Variants in ZC3H12B observed in about 807,000 individuals in gnomAD.
ZC3H12B encodes the protein zinc finger CCCH-type containing 12B, also known as probable ribonuclease ZC3H12B.
ZC3H12B carries 7 observed loss-of-function variants against 43.9 expected under a neutral mutation model. That is an observed-to-expected ratio of 0.16 (90% CI 0.09 to 0.30). The LOEUF (loss-of-function observed/expected upper bound fraction) is 0.30. ZC3H12B is among the 10% of genes least tolerant of loss of function. ZC3H12B has a pLI of 1.00. For synonymous variants in ZC3H12B, 222 were observed against 241.7 expected (o/e 0.92, Z 0.76); for missense variants, 475 against 670.2 (o/e 0.71, Z 3.22).
chrX:65,438,281 G>A (rs180741933), intron 3 of ZC3H12B, among the ~76,000 whole-genome samples: 5 of 111,621 alleles, frequency 4.5e-5, no homozygotes, highest in Admixed American at 3.8e-4. Context: ...TACTTTGATA[G>A]GGATTGCATT....
rs776633395 is a variant in ZC3H12B at position 65,406,793 on chromosome X, A to T, written n.407+8089A>T. Among the ~76,000 whole-genome samples, 158 of 112,472 alleles carry T rather than the reference A, an allele frequency of 1.4e-3. 1 individual carries two copies. Among genetic ancestry groups the T allele is most frequent in the African/African-American group, 5.0e-3 (155 of 31,113 alleles). ...ACTCTGTGCTCTGCGTCCCGGAGGC[A>T]GCCGACTGCGCCACCCCACCCTCGC... On this transcript the variant is annotated intron_variant and non_coding_transcript_variant, in intron 3 of 5. Coordinates refer to the ZC3H12B transcript ENST00000617377.
At chrX:65,312,994 G>C in the ZC3H12B span, among the ~76,000 whole-genome samples, 2 of 111,632 alleles carry the variant, frequency 1.8e-5, no homozygotes, top group African/African-American at 3.3e-5. Flanking sequence ...TGATTCTCCT[G>C]CCTCAGTCTC....
At chrX:65,331,473 C>A in the ZC3H12B span, among the ~76,000 whole-genome samples, 9 of 110,644 alleles carry the variant, frequency 8.1e-5, no homozygotes, top group Admixed American at 5.8e-4. Flanking sequence ...TGCTGGTTAC[C>A]AGAGGCTAGA....
the ZC3H12B span, among the ~76,000 whole-genome samples, chrX:65,325,826 T>A: frequency 9.9e-5 from 11 of 111,295 alleles, no homozygotes; most frequent in Non-Finnish European, 1.5e-4. Context: ...TCAAACAGCA[T>A]GGAACTGGAA....
chrX:65,284,664 G>A, the ZC3H12B span, among the ~76,000 whole-genome samples: 2 of 110,936 alleles, frequency 1.8e-5, no homozygotes, highest in African/African-American at 6.6e-5. Context: ...GGGAGGCTGA[G>A]GCAGGAGAAT....
At chrX:65,291,380 G>T in the ZC3H12B span, among the ~76,000 whole-genome samples, 4 of 112,123 alleles carry the variant, frequency 3.6e-5, no homozygotes, top group African/African-American at 1.3e-4. Flanking sequence ...AAAATACCAA[G>T]ATGTGGAAAC....
the ZC3H12B span, chrX:65,272,835 A>T: frequency 8.9e-6 from 1 of 112,284 alleles, no homozygotes. Flanking sequence ...ACATTTCTTC[A>T]TTAGCAGAAA....
the ZC3H12B span, among the ~76,000 whole-genome samples, chrX:65,277,890 A>T: frequency 9.0e-6 from 1 of 111,384 alleles, no homozygotes; most frequent in Non-Finnish European, 1.9e-5. Flanking sequence ...GAAATTGACA[A>T]TAAAGAATAT....
the ZC3H12B span, among the ~76,000 whole-genome samples, chrX:65,127,034 C>T: frequency 9.0e-6 from 1 of 110,518 alleles, no homozygotes; most frequent in Non-Finnish European, 1.9e-5. Flanking sequence ...GGATCCATTG[C>T]TGGTGAGGTG....
chrX:65,355,878 C>T, the ZC3H12B span, among the ~76,000 whole-genome samples: 1 of 111,219 alleles, frequency 9.0e-6, no homozygotes, highest in African/African-American at 3.3e-5. Flanking sequence ...TCACTTGAAC[C>T]CAGGAGGCAG....
intron 3 of ZC3H12B, among the ~76,000 whole-genome samples, chrX:65,400,287 C>T (rs1195391800): frequency 1.8e-5 from 2 of 111,262 alleles, no homozygotes. Context: ...CTATGAGAAA[C>T]TGGCTTATGC....
the ZC3H12B span, among the ~76,000 whole-genome samples, chrX:65,215,200 C>A: frequency 8.9e-6 from 1 of 111,821 alleles, no homozygotes; most frequent in Admixed American, 9.5e-5. Flanking sequence ...GCATTAGCTT[C>A]ACCTTAAAGT....
the ZC3H12B span, among the ~76,000 whole-genome samples, chrX:65,128,355 T>C: frequency 8.9e-6 from 1 of 112,394 alleles, no homozygotes; most frequent in Non-Finnish European, 1.9e-5. Flanking sequence ...AACGTCAAAG[T>C]GTTTGTAGAT....
the ZC3H12B span, chrX:65,272,715 A>G: frequency 8.9e-6 from 1 of 111,906 alleles, no homozygotes; most frequent in African/African-American, 3.3e-5. Flanking sequence ...CTCTAAAATT[A>G]CCTGAATATT....
At chrX:65,357,931 C>T in the ZC3H12B span, among the ~76,000 whole-genome samples, 2 of 109,633 alleles carry the variant, frequency 1.8e-5, no homozygotes, top group African/African-American at 6.7e-5. Context: ...CATTGGTGTG[C>T]AGTATTCAGG....
the ZC3H12B span, among the ~76,000 whole-genome samples, chrX:65,309,966 C>T: frequency 8.9e-6 from 1 of 111,839 alleles, no homozygotes; most frequent in Admixed American, 9.5e-5. Context: ...ATGCTAAAAA[C>T]TCTCAATAAA....
chrX:65,251,863 C>T, the ZC3H12B span, among the ~76,000 whole-genome samples: 13 of 111,475 alleles, frequency 1.2e-4, no homozygotes, highest in Admixed American at 1.0e-3. Flanking sequence ...TCTAGATATA[C>T]AATCATGTCA....
At chrX:65,257,470 G>A in the ZC3H12B span, among the ~76,000 whole-genome samples, 1 of 110,629 alleles carries the variant, frequency 9.0e-6, no homozygotes, top group African/African-American at 3.3e-5. Context: ...GGACCTGGGG[G>A]AGGGATAGCA....
chrX:65,389,609 C>T (rs187133678), intron 2 of ZC3H12B, among the ~76,000 whole-genome samples: 9 of 112,462 alleles, frequency 8.0e-5, no homozygotes, highest in East Asian at 2.8e-4. Context: ...CTCGCCCTTC[C>T]GCTCATGCTT....
Sources: gnomAD v4.1 joint callset for allele counts (sites outside exome capture counted in the v4.1 genomes callset) on GRCh38, gnomAD v4.1.1 for gene constraint, MANE v1.5 for transcripts, NCBI Gene and HGNC (gene_info 2026-07-23, HGNC 2026-07-21) for gene names.